RIMS2: variants seen among roughly 807,000 people sequenced by gnomAD.
The protein encoded by RIMS2 is regulating synaptic membrane exocytosis 2, also known as regulating synaptic membrane exocytosis protein 2.
RIMS2 carries 59 observed loss-of-function variants against 174.4 expected under a neutral mutation model. The observed-to-expected ratio is 0.34, with a 90% CI of 0.27 to 0.42. The LOEUF is 0.42. RIMS2 is among the 10% of genes least tolerant of loss of function. The probability of loss-of-function intolerance (pLI) is 1.00; values close to 1 mark genes in which losing one functional copy is unlikely to be tolerated. For missense variants in RIMS2, 1,620 were observed against 1,666.3 expected (o/e 0.97, Z 0.48); for synonymous variants, 606 against 572.5 (o/e 1.06, Z -0.84).
intron 19 of RIMS2, among the ~76,000 whole-genome samples, chr8:104,089,225 C>T (rs1197370358): frequency 6.6e-6 from 1 of 151,846 alleles, no homozygotes; most frequent in Non-Finnish European, 1.5e-5. Flanking sequence ...TTATTTAAAA[C>T]ATTATGTATT....
intron 19 of RIMS2, among the ~76,000 whole-genome samples, chr8:104,133,526 T>C (rs1441222787): frequency 1.3e-5 from 2 of 152,218 alleles, no homozygotes; most frequent in African/African-American, 4.8e-5. Flanking sequence ...TTTTGGATTT[T>C]TCCCAAGTAC....
At chr8:104,193,719 TA>T (rs1394099601) in intron 19 of RIMS2, among the ~76,000 whole-genome samples, 1 of 152,238 alleles carries the variant, frequency 6.6e-6, no homozygotes, top group Non-Finnish European at 1.5e-5. Flanking sequence ...ATTGTTGTGT[TA>T]ACTTGTGTTT....
intron 1 of RIMS2, among the ~76,000 whole-genome samples, chr8:103,509,884 A>C (rs1008859905): frequency 5.3e-5 from 8 of 152,014 alleles, no homozygotes; most frequent in Admixed American, 3.3e-4. Context: ...ACCTGTCAAA[A>C]CTCTTACTTT....
intron 19 of RIMS2, among the ~76,000 whole-genome samples, chr8:104,237,973 A>G (rs2099267280): frequency 6.6e-6 from 1 of 152,174 alleles, no homozygotes; most frequent in African/African-American, 2.4e-5. Flanking sequence ...TCTTGATATA[A>G]AATCTGCTGA....
chr8:103,811,814 C>T (rs961839035), intron 3 of RIMS2, among the ~76,000 whole-genome samples: 2 of 152,190 alleles, frequency 1.3e-5, no homozygotes, highest in African/African-American at 4.8e-5. Flanking sequence ...TTAAAGCAAC[C>T]TAGTAATACT....
chr8:103,829,113 G>A (rs1261091664), intron 3 of RIMS2, among the ~76,000 whole-genome samples: 1 of 141,886 alleles, frequency 7.0e-6, no homozygotes, highest in Non-Finnish European at 1.5e-5. Context: ...TGCTAATTTG[G>A]TGCAAAATAC....
chr8:103,735,472 A>G (rs1471974998), intron 2 of RIMS2, among the ~76,000 whole-genome samples: 1 of 151,970 alleles, frequency 6.6e-6, no homozygotes, highest in Non-Finnish European at 1.5e-5. Flanking sequence ...AATTTTTAAT[A>G]TCTTGTTCTT....
chr8:104,016,355 T>C (rs1251115920), intron 19 of RIMS2, among the ~76,000 whole-genome samples: 1 of 152,040 alleles, frequency 6.6e-6, no homozygotes. Context: ...TTGTAACAAA[T>C]TTGTAAGCGT....
chr8:103,612,588 T>TC (rs1181471081), intron 1 of RIMS2, among the ~76,000 whole-genome samples: 5 of 150,644 alleles, frequency 3.3e-5, no homozygotes, highest in Non-Finnish European at 3.0e-5. Context: ...TTTCTTTTTT[T>TC]CCCCCCTCTA....
At chr8:103,949,144 A>AAAAAAAAAAAAGGG (rs1555024083) in intron 14 of RIMS2, among the ~76,000 whole-genome samples, 51 of 138,508 alleles carry the variant, frequency 3.7e-4, no homozygotes, top group African/African-American at 1.4e-3. Flanking sequence ...AAAAAAAAAA[A>AAAAAAAAAAAAGGG]AAAGGGAAAG....
At chr8:104,249,653 T>G in intron 22 of RIMS2, 65 bp downstream of exon 28, 1 of 926,224 alleles carries the variant, frequency 1.1e-6, no homozygotes, top group Non-Finnish European at 1.8e-6. Flanking sequence ...TAGAGACCTT[T>G]TGATTGGTTT....
chr8:104,217,203 T>C (rs1203031147), intron 19 of RIMS2, among the ~76,000 whole-genome samples: 3 of 152,198 alleles, frequency 2.0e-5, no homozygotes, highest in Non-Finnish European at 4.4e-5. Context: ...ATAAATCTCA[T>C]TGCAGAGATA....
At chr8:103,815,029 A>T (rs773152491) in intron 3 of RIMS2, among the ~76,000 whole-genome samples, 5 of 152,212 alleles carry the variant, frequency 3.3e-5, no homozygotes, top group Non-Finnish European at 5.9e-5. Context: ...AGAGTTCTCC[A>T]CTGTTTGAAA....
chr8:103,877,944 TTCACCTCTG>T (rs112369724), intron 3 of RIMS2, among the ~76,000 whole-genome samples: 7,373 of 151,814 alleles, frequency 0.049, 585 homozygotes, highest in African/African-American at 0.17. Flanking sequence ...GTAGAGATCT[TTCACCTCTG>T]ATATGGTTAG....
intron 19 of RIMS2, among the ~76,000 whole-genome samples, chr8:104,039,792 G>A (rs1203864147): frequency 1.3e-5 from 2 of 151,522 alleles, no homozygotes; most frequent in African/African-American, 4.8e-5. Flanking sequence ...GATTGATGAT[G>A]GAAACAAAAA....
intron 3 of RIMS2, among the ~76,000 whole-genome samples, chr8:103,786,317 T>G (rs1434022637): frequency 2.6e-5 from 4 of 152,174 alleles, no homozygotes; most frequent in African/African-American, 9.7e-5. Context: ...TGCTAGCTTT[T>G]GAATGTATTT....
intron 1 of RIMS2, among the ~76,000 whole-genome samples, chr8:103,666,672 A>G (rs1033133447): frequency 5.3e-5 from 8 of 152,270 alleles, no homozygotes; most frequent in Non-Finnish European, 1.0e-4. Flanking sequence ...TGTTGCATTT[A>G]GCATGAGTGA....
chr8:104,205,674 G>A (rs1032446916), intron 19 of RIMS2, among the ~76,000 whole-genome samples: 4 of 152,012 alleles, frequency 2.6e-5, no homozygotes, highest in Non-Finnish European at 4.4e-5. Context: ...TTTCCTGATA[G>A]GTCAATCAAA....
chr8:103,911,203 A>G (rs546386349), intron 5 of RIMS2, among the ~76,000 whole-genome samples: 2 of 152,260 alleles, frequency 1.3e-5, no homozygotes, highest in South Asian at 2.1e-4. Flanking sequence ...TTACTTTTTG[A>G]TAACTGTGAA....
Sources: gnomAD v4.1 joint callset for allele counts (sites outside exome capture counted in the v4.1 genomes callset) on GRCh38, gnomAD v4.1.1 for gene constraint, MANE v1.5 for transcripts, NCBI Gene and HGNC (gene_info 2026-07-23, HGNC 2026-07-21) for gene names.